KANK1: variants seen among roughly 807,000 people sequenced by gnomAD.
KANK1 encodes KN motif and ankyrin repeat domain-containing protein 1.
KANK1 carries 109 observed loss-of-function variants against 106.2 expected under a neutral mutation model. The ratio of observed to expected loss-of-function variants is 1.03; its 90% CI spans 0.88 to 1.20. The LOEUF is 1.20. Among genes scored for constraint, KANK1 ranks in the 50% most tolerant of loss-of-function variants. KANK1 has a pLI of 0.00. For synonymous variants in KANK1, 873 were observed against 652.2 expected (o/e 1.34, Z -5.16); for missense variants, 2,399 against 1,710.7 (o/e 1.40, Z -7.10).
chr9:720,875 C>G (rs1367536955), intron 3 of KANK1, among the ~76,000 whole-genome samples: 1 of 152,176 alleles, frequency 6.6e-6, no homozygotes, highest in Non-Finnish European at 1.5e-5. Context: ...ATTAGTGGCC[C>G]AGGGCTGTTA....
intron 2 of KANK1, among the ~76,000 whole-genome samples, chr9:680,557 T>C (rs1207675251): frequency 1.3e-5 from 2 of 152,182 alleles, no homozygotes; most frequent in Non-Finnish European, 2.9e-5. Flanking sequence ...CTTATTAATA[T>C]AGGCCAGATA....
At chr9:613,547 G>A (rs546896315) in intron 1 of KANK1, among the ~76,000 whole-genome samples, 2 of 152,016 alleles carry the variant, frequency 1.3e-5, no homozygotes, top group African/African-American at 2.4e-5. Context: ...GCCCAGGGAA[G>A]CCAAAACGTT....
At chr9:687,032 T>TTTCTTTTCTG (rs1818742866) in intron 2 of KANK1, 1 of 652,524 alleles carries the variant, frequency 1.5e-6, no homozygotes, top group African/African-American at 2.0e-5. Flanking sequence ...TTTCTTTTCT[T>TTTCTTTTCTG]TTCTTTTTTT....
intron 1 of KANK1, among the ~76,000 whole-genome samples, chr9:570,077 T>C (rs2134778012): frequency 6.6e-6 from 1 of 152,248 alleles, no homozygotes; most frequent in East Asian, 1.9e-4. Context: ...TTGTATTGGG[T>C]TTTTTGTTTG....
At chr9:472,591 A>G (rs10974690) in intron 2 of KANK1, among the ~76,000 whole-genome samples, 23,022 of 152,120 alleles carry the variant, frequency 0.15, 2,539 homozygotes, top group East Asian at 0.51. Context: ...GTGATACTGT[A>G]CAAGTTCTAG....
chr9:609,572 A>G (rs1044172905), intron 1 of KANK1, among the ~76,000 whole-genome samples: 2 of 152,110 alleles, frequency 1.3e-5, no homozygotes, highest in Non-Finnish European at 1.5e-5. Context: ...GGAGGTTGCA[A>G]TGAGCTGAGA....
chr9:631,644 AGGTGTCTTT>A (rs1835768760), intron 1 of KANK1, among the ~76,000 whole-genome samples: 1 of 152,236 alleles, frequency 6.6e-6, no homozygotes, highest in Non-Finnish European at 1.5e-5. Flanking sequence ...TTCTGAGCTC[AGGTGTCTTT>A]CAGTGACTCC....
At chr9:602,360 A>G (rs1371863705) in intron 1 of KANK1, among the ~76,000 whole-genome samples, 2 of 151,678 alleles carry the variant, frequency 1.3e-5, no homozygotes, top group African/African-American at 4.9e-5. Flanking sequence ...CCTGGGTTCA[A>G]GCGACTCTCC....
At chr9:654,840 A>G (rs2137743086) in intron 1 of KANK1, among the ~76,000 whole-genome samples, 1 of 135,832 alleles carries the variant, frequency 7.4e-6, no homozygotes, top group South Asian at 2.5e-4. Context: ...AGAGAGAGAG[A>G]GAGAGAGATA....
intron 1 of KANK1, among the ~76,000 whole-genome samples, chr9:531,977 G>C (rs1428595690): frequency 6.6e-6 from 1 of 152,206 alleles, no homozygotes; most frequent in Non-Finnish European, 1.5e-5. Flanking sequence ...GCACATGAGT[G>C]AGGAATTTCA....
chr9:610,925 A>G (rs905237436), intron 1 of KANK1, among the ~76,000 whole-genome samples: 1 of 152,208 alleles, frequency 6.6e-6, no homozygotes, highest in African/African-American at 2.4e-5. Flanking sequence ...CATCGTCCCC[A>G]GTCCCGTAGA....
rs181261501 is a variant in KANK1 at position 648,596 on chromosome 9, A to G, written c.-83-28294A>G. ...AAATGACATCATCATCGTACTTGCAAAGCTTAAAGCCCAGTGGGGAAGAGC... is the reference window on the plus strand; with the variant it reads ...AAATGACATCATCATCGTACTTGCAGAGCTTAAAGCCCAGTGGGGAAGAGC... On this transcript the variant is annotated intron_variant, in intron 1 of 11. Coordinates refer to ENST00000382297, the MANE Select transcript of KANK1 (RefSeq NM_015158.5). 4.3e-4 allele frequency among the ~76,000 whole-genome samples: 65 copies of G among 152,286 alleles called. 1 individual carries two copies. Among genetic ancestry groups the G allele is most frequent in the Admixed American group, 3.2e-3 (49 of 15,304 alleles).
chr9:733,476 T>G (rs1343004061), intron 6 of KANK1: 2 of 152,232 alleles, frequency 1.3e-5, no homozygotes, highest in African/African-American at 4.8e-5. Flanking sequence ...GTTAAACACT[T>G]GAGTCACCAA....
intron 1 of KANK1, among the ~76,000 whole-genome samples, chr9:579,026 T>C (rs941076871): frequency 3.9e-5 from 6 of 152,168 alleles, no homozygotes; most frequent in Admixed American, 3.3e-4. Flanking sequence ...TTTGAACACA[T>C]AGACATAAAA....
intron 2 of KANK1, among the ~76,000 whole-genome samples, chr9:686,394 C>T (rs1417941169): frequency 2.0e-5 from 3 of 152,150 alleles, no homozygotes; most frequent in Non-Finnish European, 4.4e-5. Context: ...GCAGAGGAGG[C>T]AGAAGTACCT....
chr9:652,500 G>A (rs1841128565), intron 1 of KANK1, among the ~76,000 whole-genome samples: 2 of 152,176 alleles, frequency 1.3e-5, no homozygotes, highest in South Asian at 4.1e-4. Context: ...TCCAGCCTGG[G>A]CGACAAGAGC....
chr9:728,084 A>G (rs1382861985), intron 3 of KANK1, among the ~76,000 whole-genome samples: 1 of 152,204 alleles, frequency 6.6e-6, no homozygotes, highest in Non-Finnish European at 1.5e-5. Context: ...TAAGATAACA[A>G]ATTCCAACCT....
At chr9:688,345 C>T (rs1588921981) in intron 2 of KANK1, among the ~76,000 whole-genome samples, 1 of 152,212 alleles carries the variant, frequency 6.6e-6, no homozygotes, top group Non-Finnish European at 1.5e-5. Context: ...GTGGCTCATG[C>T]TTGTAATCCC....
At chr9:512,492 C>G (rs900010433) in intron 1 of KANK1, among the ~76,000 whole-genome samples, 3 of 152,070 alleles carry the variant, frequency 2.0e-5, no homozygotes, top group African/African-American at 7.2e-5. Context: ...GTCTCTTTTA[C>G]CCATAGTTAC....
Sources: gnomAD v4.1 joint callset for allele counts (sites outside exome capture counted in the v4.1 genomes callset) on GRCh38, gnomAD v4.1.1 for gene constraint, MANE v1.5 for transcripts, NCBI Gene and HGNC (gene_info 2026-07-23, HGNC 2026-07-21) for gene names.